OR9Q1: variants seen among roughly 807,000 people sequenced by gnomAD.
OR9Q1 encodes the protein olfactory receptor family 9 subfamily Q member 1, also known as olfactory receptor 9Q1.
For synonymous variants in OR9Q1, 153 were observed against 148.6 expected, an observed-to-expected ratio of 1.03 and a Z score of -0.22; for missense variants, 374 against 378.8, an observed-to-expected ratio of 0.99 and a Z score of 0.11.
chr11:58,075,998 C>A (rs999395185), intron 2 of OR9Q1, among the ~76,000 whole-genome samples: 4 of 152,192 alleles, frequency 2.6e-5, no homozygotes, highest in African/African-American at 9.6e-5. Flanking sequence ...AAGTCTATTG[C>A]AATACAGTCA....
intron 2 of OR9Q1, among the ~76,000 whole-genome samples, chr11:58,120,894 C>T (rs1240927838): frequency 2.7e-5 from 4 of 148,628 alleles, no homozygotes; most frequent in Admixed American, 1.4e-4. Flanking sequence ...AAATTATTCC[C>T]TTGTTCTTTT....
intron 2 of OR9Q1, among the ~76,000 whole-genome samples, chr11:58,093,962 G>T (rs1853708003): frequency 6.6e-6 from 1 of 151,908 alleles, no homozygotes; most frequent in Admixed American, 6.6e-5. Context: ...CAAAGGAAAA[G>T]AAATATTTAC....
chr11:58,094,963 CA>C (rs1246271900), intron 2 of OR9Q1, among the ~76,000 whole-genome samples: 26 of 152,298 alleles, frequency 1.7e-4, no homozygotes, highest in African/African-American at 5.8e-4. Context: ...TAGACTCTGA[CA>C]AACATTTTGT....
chr11:58,140,878 A>C (rs78404885), intron 2 of OR9Q1, among the ~76,000 whole-genome samples: 33,823 of 152,206 alleles, frequency 0.22, 4,151 homozygotes, highest in Middle Eastern at 0.38. Context: ...GACCTTGGGC[A>C]GTATGGCCAT....
chr11:58,096,745 C>T (rs1212088846), intron 2 of OR9Q1, among the ~76,000 whole-genome samples: 1 of 150,088 alleles, frequency 6.7e-6, no homozygotes, highest in East Asian at 2.0e-4. Context: ...GCTCTGTCAC[C>T]CAGGCTGGAG....
intron 1 of OR9Q1, among the ~76,000 whole-genome samples, chr11:58,055,098 C>T (rs901843285): frequency 2.6e-5 from 4 of 152,182 alleles, no homozygotes; most frequent in Non-Finnish European, 5.9e-5. Context: ...TGACATTCCT[C>T]ACTCTATCTG....
At chr11:58,055,139 C>T (rs551601190) in intron 1 of OR9Q1, among the ~76,000 whole-genome samples, 16 of 152,082 alleles carry the variant, frequency 1.1e-4, no homozygotes, top group Admixed American at 2.0e-4. Context: ...AGATCTTGCT[C>T]TTTGTAGATC....
chr11:58,143,947 T>C (rs1324879271), intron 2 of OR9Q1, among the ~76,000 whole-genome samples: 1 of 152,104 alleles, frequency 6.6e-6, no homozygotes, highest in East Asian at 1.9e-4. Context: ...AAATGTAAAG[T>C]GCTTTACAAA....
At chr11:58,107,318 T>G (rs1031981368) in intron 2 of OR9Q1, among the ~76,000 whole-genome samples, 2 of 152,188 alleles carry the variant, frequency 1.3e-5, no homozygotes, top group Non-Finnish European at 2.9e-5. Context: ...TGTGTCCAAG[T>G]GTTCTTATTG....
intron 2 of OR9Q1, among the ~76,000 whole-genome samples, chr11:58,129,067 G>C (rs555469377): frequency 1.3e-5 from 2 of 152,186 alleles, no homozygotes; most frequent in Admixed American, 1.3e-4. Flanking sequence ...CTTTAAAACA[G>C]CACAGATTTA....
intron 2 of OR9Q1, among the ~76,000 whole-genome samples, chr11:58,170,264 A>T (rs544255047): frequency 6.6e-6 from 1 of 152,132 alleles, no homozygotes; most frequent in East Asian, 1.9e-4. Context: ...CTTCTTAAGG[A>T]TCCAGGCAAC....
At chr11:58,156,581 A>C (rs1399020408) in intron 2 of OR9Q1, among the ~76,000 whole-genome samples, 3 of 152,200 alleles carry the variant, frequency 2.0e-5, no homozygotes, top group Non-Finnish European at 4.4e-5. Context: ...GTATGACTGT[A>C]ATTGTATAGG....
intron 2 of OR9Q1, among the ~76,000 whole-genome samples, chr11:58,082,589 C>A (rs1344423354): frequency 1.3e-5 from 1 of 79,702 alleles, no homozygotes; most frequent in African/African-American, 5.2e-5. Context: ...CACTCTGGGG[C>A]CTGTTGTGGG....
At position 58,100,445 on chromosome 11, in the gene OR9Q1, G is replaced by A. The variant is rs146693721; in HGVS notation, c.-15+44498G>A. ...TATAATTGTCATATATGTTGCTTTT[G>A]TATGTGTTATAAACTTTATCATAAA... On this transcript the variant is annotated intron_variant, in intron 2 of 2. Transcript: ENST00000335397. 1.3e-3 allele frequency among the ~76,000 whole-genome samples: 191 copies of A among 152,094 alleles called. 3 individuals are homozygous for A. The East Asian group carries it at 0.026, about 20-fold the overall frequency.
intron 2 of OR9Q1, chr11:58,118,757 A>T (rs773802199): frequency 6.2e-7 from 1 of 1,614,064 alleles, no homozygotes; most frequent in Non-Finnish European, 8.5e-7. Context: ...CCACCTGAAG[A>T]CTTCACTTTC....
intron 2 of OR9Q1, among the ~76,000 whole-genome samples, chr11:58,137,510 A>G (rs771460333): frequency 6.6e-6 from 1 of 152,196 alleles, no homozygotes; most frequent in Non-Finnish European, 1.5e-5. Context: ...CAAAAAATTT[A>G]TTTAACTTAT....
chr11:58,096,342 C>A (rs1448609211), intron 2 of OR9Q1, among the ~76,000 whole-genome samples: 1 of 152,156 alleles, frequency 6.6e-6, no homozygotes, highest in African/African-American at 2.4e-5. Flanking sequence ...TTTCTGCACT[C>A]CAGAAAATCC....
chr11:58,166,580 T>C (rs958029949), intron 2 of OR9Q1, among the ~76,000 whole-genome samples: 1 of 152,190 alleles, frequency 6.6e-6, no homozygotes, highest in African/African-American at 2.4e-5. Context: ...TAGACATCTT[T>C]GAATGTGACT....
intron 2 of OR9Q1, among the ~76,000 whole-genome samples, chr11:58,086,538 T>TA (rs921294008): frequency 1.1e-4 from 16 of 151,582 alleles, no homozygotes; most frequent in East Asian, 1.9e-4. Context: ...ATCAGTATCT[T>TA]AAAAAAAATC....
Sources: gnomAD v4.1 joint callset for allele counts (sites outside exome capture counted in the v4.1 genomes callset) on GRCh38, gnomAD v4.1.1 for gene constraint, MANE v1.5 for transcripts, NCBI Gene and HGNC (gene_info 2026-07-23, HGNC 2026-07-21) for gene names.